The following ZNF385D variants were observed in gnomAD, a reference collection of about 807,000 sequenced individuals.
The protein encoded by ZNF385D is zinc finger protein 659.
A neutral mutation model predicts 35.8 loss-of-function variants in ZNF385D; 15 were observed. The ratio of observed to expected loss-of-function variants is 0.42; its 90% confidence interval spans 0.28 to 0.64. The LOEUF is 0.64. Ranked by LOEUF, ZNF385D falls within the 30% of genes least tolerant of loss-of-function variation. The probability of loss-of-function intolerance (pLI) is 0.23; values close to 1 mark genes in which losing one functional copy is unlikely to be tolerated. For missense variants in ZNF385D, 474 were observed against 494.6 expected, an observed-to-expected ratio of 0.96 and a Z score of 0.39; for synonymous variants, 212 against 186.8, an observed-to-expected ratio of 1.13 and a Z score of -1.10.
At chr3:21,910,030 G>C (rs1357676121) in intron 3 of ZNF385D, among the ~76,000 whole-genome samples, 1 of 151,672 alleles carries the variant, frequency 6.6e-6, no homozygotes, top group Non-Finnish European at 1.5e-5. Flanking sequence ...TTAGCTTACT[G>C]CTACATTTCA....
chr3:21,499,722 G>A (rs1465086060), intron 4 of ZNF385D, among the ~76,000 whole-genome samples: 1 of 151,858 alleles, frequency 6.6e-6, no homozygotes, highest in Admixed American at 6.6e-5. Context: ...TACACATTCT[G>A]CATTCTGACC....
chr3:22,328,759 G>T (rs191119873), intron 2 of ZNF385D, among the ~76,000 whole-genome samples: 37 of 145,294 alleles, frequency 2.5e-4, no homozygotes, highest in African/African-American at 9.2e-4. Flanking sequence ...AGACTCCATC[G>T]CCAAAAAAAA....
At chr3:21,709,953 T>G (rs12638812) in intron 1 of ZNF385D, among the ~76,000 whole-genome samples, 10 of 152,072 alleles carry the variant, frequency 6.6e-5, no homozygotes, top group Admixed American at 2.6e-4. Flanking sequence ...GGAATTCTTC[T>G]TAGCAATAAA....
intron 2 of ZNF385D, among the ~76,000 whole-genome samples, chr3:21,593,621 C>T (rs79341912): frequency 4.1e-4 from 62 of 152,114 alleles, no homozygotes; most frequent in Non-Finnish European, 7.5e-4. Flanking sequence ...TGTGTGAGCA[C>T]ACACACATGC....
intron 2 of ZNF385D, among the ~76,000 whole-genome samples, chr3:21,655,116 A>C: frequency 6.6e-6 from 1 of 152,084 alleles, no homozygotes; most frequent in East Asian, 1.9e-4. Flanking sequence ...GCAAAAAACA[A>C]CAACAACAAC....
intron 3 of ZNF385D, among the ~76,000 whole-genome samples, chr3:21,561,456 T>C (rs1575184033): frequency 6.6e-6 from 1 of 152,164 alleles, no homozygotes; most frequent in East Asian, 1.9e-4. Flanking sequence ...CTGCTTCTGC[T>C]CGCCCTCTGT....
intron 2 of ZNF385D, among the ~76,000 whole-genome samples, chr3:21,601,121 C>G (rs1559448631): frequency 6.6e-6 from 1 of 152,060 alleles, no homozygotes; most frequent in African/African-American, 2.4e-5. Flanking sequence ...ATGTGAATCA[C>G]TTTAATAACA....
intron 2 of ZNF385D, among the ~76,000 whole-genome samples, chr3:21,638,211 A>G (rs2065501477): frequency 6.6e-6 from 1 of 152,108 alleles, no homozygotes; most frequent in Non-Finnish European, 1.5e-5. Context: ...TATACAGTTG[A>G]GACAGAATTC....
Position 21,710,771 on chromosome 3 carries a change from G to A in ZNF385D, c.22+40124C>T, listed in dbSNP as rs7629661. On this transcript the variant is annotated intron_variant, in intron 1 of 7. Coordinates refer to ENST00000281523, the MANE Select transcript of ZNF385D (RefSeq NM_024697.3). ...ATCTCCATGTAATGTTTTCTCCAAA[G>A]AAGTTATGTAACCTCTCATTGAATA... 8.4e-3 allele frequency among the ~76,000 whole-genome samples: 1,283 copies of A among 152,246 alleles called. 16 individuals are homozygous for A. The highest frequency in any genetic ancestry group is 0.028 in the African/African-American group (1,168 of 41,546).
At chr3:22,304,129 G>A (rs188033873) in intron 2 of ZNF385D, among the ~76,000 whole-genome samples, 1 of 152,052 alleles carries the variant, frequency 6.6e-6, no homozygotes, top group African/African-American at 2.4e-5. Context: ...ATAAAAATCT[G>A]GCTTAGGTCT....
upstream of ZNF385D, among the ~76,000 whole-genome samples, chr3:21,756,106 G>A (rs192571053): frequency 1.6e-4 from 24 of 152,274 alleles, no homozygotes; most frequent in Middle Eastern, 3.4e-3. Flanking sequence ...TATGACTGAC[G>A]TATGAAGAAT....
chr3:22,079,187 A>C (rs138050065), intron 3 of ZNF385D, among the ~76,000 whole-genome samples: 152 of 152,184 alleles, frequency 1.0e-3, no homozygotes, highest in Non-Finnish European at 1.5e-3. Context: ...GCCACAGTAC[A>C]TAAATAATTG....
chr3:21,864,990 C>CTTTCTTTT (rs1553687695), intron 3 of ZNF385D, among the ~76,000 whole-genome samples: 1 of 112,178 alleles, frequency 8.9e-6, no homozygotes, highest in African/African-American at 3.5e-5. Flanking sequence ...TGGAACAATG[C>CTTTCTTTT]TTTTTTTTTT....
chr3:21,534,163 A>G (rs929240306), intron 3 of ZNF385D, among the ~76,000 whole-genome samples: 2 of 151,976 alleles, frequency 1.3e-5, no homozygotes, highest in Non-Finnish European at 2.9e-5. Context: ...TCACACATCT[A>G]ATAAGTGTTA....
chr3:22,140,456 A>G (rs537518015), intron 3 of ZNF385D, among the ~76,000 whole-genome samples: 3 of 152,292 alleles, frequency 2.0e-5, no homozygotes, highest in Admixed American at 6.5e-5. Flanking sequence ...GGAGTAGAGC[A>G]ATTGTGTATC....
At chr3:22,245,764 G>T (rs1313870811) in intron 2 of ZNF385D, among the ~76,000 whole-genome samples, 1 of 136,606 alleles carries the variant, frequency 7.3e-6, no homozygotes. Context: ...TGGGGAGGGG[G>T]GGCTATGTGG....
intron 2 of ZNF385D, among the ~76,000 whole-genome samples, chr3:22,309,689 T>G (rs1370761652): frequency 6.6e-6 from 1 of 152,034 alleles, no homozygotes; most frequent in Non-Finnish European, 1.5e-5. Context: ...CAAACTCACT[T>G]TTGAATTATG....
intron 1 of ZNF385D, among the ~76,000 whole-genome samples, chr3:21,681,389 G>A (rs956412813): frequency 2.9e-5 from 4 of 136,326 alleles, no homozygotes; most frequent in African/African-American, 1.1e-4. Flanking sequence ...TATTCATTAT[G>A]TTTCTGGAAA....
intron 3 of ZNF385D, among the ~76,000 whole-genome samples, chr3:21,834,743 C>T (rs946934583): frequency 6.8e-6 from 1 of 147,276 alleles, no homozygotes; most frequent in Non-Finnish European, 1.5e-5. Flanking sequence ...CCCCACGTGT[C>T]GACAGTGGGA....
Sources: gnomAD v4.1 joint callset for allele counts (sites outside exome capture counted in the v4.1 genomes callset) on GRCh38, gnomAD v4.1.1 for gene constraint, MANE v1.5 for transcripts, NCBI Gene and HGNC (gene_info 2026-07-23, HGNC 2026-07-21) for gene names.